Variants in RANBP2 observed in about 807,000 individuals in gnomAD.
The protein encoded by RANBP2 is RAN binding protein 2, also known as E3 SUMO-protein ligase RanBP2.
In RANBP2, 57 loss-of-function variants were observed where a neutral mutation model predicts 303.6. The ratio of observed to expected loss-of-function variants is 0.19; its 90% confidence interval spans 0.15 to 0.23. The LOEUF (loss-of-function observed/expected upper bound fraction) is 0.23. RANBP2 is among the 10% of genes least tolerant of loss of function. The probability of loss-of-function intolerance (pLI) is 1.00; values close to 1 mark genes in which losing one functional copy is unlikely to be tolerated. For synonymous variants in RANBP2, 1,167 were observed against 1,301.5 expected, an observed-to-expected ratio of 0.90 and a Z score of 2.23; for missense variants, 3,138 against 3,780.8, an observed-to-expected ratio of 0.83 and a Z score of 4.46.
At chr2:108,815,399 T>C in the RANBP2 span, among the ~76,000 whole-genome samples, 2 of 151,980 alleles carry the variant, frequency 1.3e-5, no homozygotes, top group African/African-American at 2.4e-5. Flanking sequence ...ATTATGACTT[T>C]TCTTGCCTTC....
the RANBP2 span, among the ~76,000 whole-genome samples, chr2:109,451,692 T>C: frequency 2.0e-5 from 3 of 152,262 alleles, no homozygotes; most frequent in African/African-American, 7.2e-5. Flanking sequence ...CTAACAGTTG[T>C]GCTATATCAG....
the RANBP2 span, among the ~76,000 whole-genome samples, chr2:108,899,743 C>T: frequency 0.91 from 139,182 of 152,242 alleles, 63,700 homozygotes; most frequent in East Asian, 1. Flanking sequence ...CCAAGCACTT[C>T]GGGAGGCCAA....
chr2:109,104,743 A>G, the RANBP2 span, among the ~76,000 whole-genome samples: 1 of 152,130 alleles, frequency 6.6e-6, no homozygotes, highest in Non-Finnish European at 1.5e-5. Context: ...TCGGCCTCCC[A>G]AAGTGCTGGG....
At chr2:109,474,192 C>T in the RANBP2 span, among the ~76,000 whole-genome samples, 94 of 152,256 alleles carry the variant, frequency 6.2e-4, 3 homozygotes, top group South Asian at 0.018. Context: ...TGTGTGTGGG[C>T]AGGTGTAAGC....
At chr2:109,097,780 C>T in the RANBP2 span, among the ~76,000 whole-genome samples, 1 of 151,710 alleles carries the variant, frequency 6.6e-6, no homozygotes, top group South Asian at 2.1e-4. Flanking sequence ...TGTCTTCACA[C>T]TCCCACCCTG....
At chr2:108,943,794 T>C in the RANBP2 span, among the ~76,000 whole-genome samples, 1 of 152,258 alleles carries the variant, frequency 6.6e-6, no homozygotes, top group East Asian at 1.9e-4. Flanking sequence ...TCTGTGTTGC[T>C]CCGCAGCACA....
the RANBP2 span, among the ~76,000 whole-genome samples, chr2:109,324,327 G>A: frequency 6.6e-6 from 1 of 152,136 alleles, no homozygotes; most frequent in African/African-American, 2.4e-5. Flanking sequence ...GGGGTACTGG[G>A]TCGCATGGTA....
At chr2:108,984,270 C>A in the RANBP2 span, among the ~76,000 whole-genome samples, 63 of 152,248 alleles carry the variant, frequency 4.1e-4, 3 homozygotes, top group East Asian at 5.6e-3. Flanking sequence ...GGAGACCCAG[C>A]TCCTTAGAAG....
the RANBP2 span, among the ~76,000 whole-genome samples, chr2:109,499,135 G>A: frequency 1.3e-5 from 2 of 152,102 alleles, no homozygotes; most frequent in Admixed American, 6.5e-5. Flanking sequence ...GTGGGCAGCC[G>A]CCAGGACCAG....
the RANBP2 span, among the ~76,000 whole-genome samples, chr2:109,604,339 T>TAGAA: frequency 1.5e-4 from 12 of 78,918 alleles, no homozygotes; most frequent in Non-Finnish European, 2.5e-4. Flanking sequence ...CGGGACCCCA[T>TAGAA]AGAAAGAAAG....
At chr2:108,755,522 C>T (rs1243406770) in intron 17 of RANBP2, among the ~76,000 whole-genome samples, 9 of 151,896 alleles carry the variant, frequency 5.9e-5, no homozygotes, top group Admixed American at 3.9e-4. Context: ...GCCACGAAGC[C>T]AGGACTACAG....
the RANBP2 span, among the ~76,000 whole-genome samples, chr2:109,057,007 C>A: frequency 5.9e-5 from 9 of 152,344 alleles, no homozygotes; most frequent in African/African-American, 2.2e-4. Flanking sequence ...TGGGTTTAAT[C>A]TATCTCTCAT....
the RANBP2 span, among the ~76,000 whole-genome samples, chr2:109,556,198 G>A: frequency 6.6e-5 from 10 of 152,230 alleles, 1 homozygote; most frequent in Middle Eastern, 6.8e-3. Context: ...TAGAATTTTG[G>A]AGGTATAATA....
the RANBP2 span, among the ~76,000 whole-genome samples, chr2:109,598,067 T>C: frequency 1.8e-3 from 281 of 152,260 alleles, 1 homozygote; most frequent in South Asian, 0.022. Context: ...TTTTGTTTTG[T>C]TTTGTTTTTT....
At chr2:109,078,225 CGT>C in the RANBP2 span, among the ~76,000 whole-genome samples, 103 of 51,592 alleles carry the variant, frequency 2.0e-3, 5 homozygotes, top group African/African-American at 2.2e-3. Context: ...ATATATATAG[CGT>C]GTATATATAT....
the RANBP2 span, among the ~76,000 whole-genome samples, chr2:109,561,207 C>T: frequency 1.3e-5 from 2 of 152,120 alleles, no homozygotes; most frequent in African/African-American, 2.4e-5. Context: ...CTTCCGGAGT[C>T]TTACAGATGC....
At chr2:109,440,102 A>G in the RANBP2 span, among the ~76,000 whole-genome samples, 3 of 152,250 alleles carry the variant, frequency 2.0e-5, 1 homozygote, top group African/African-American at 7.2e-5. Context: ...GCAATGAGGA[A>G]TAGCATAACT....
At chr2:109,216,798 A>C in the RANBP2 span, among the ~76,000 whole-genome samples, 1 of 152,216 alleles carries the variant, frequency 6.6e-6, no homozygotes, top group African/African-American at 2.4e-5. Context: ...ACATAACATA[A>C]AAATTTACCA....
At chr2:108,807,167 C>T in the RANBP2 span, among the ~76,000 whole-genome samples, 1 of 151,906 alleles carries the variant, frequency 6.6e-6, no homozygotes, top group Non-Finnish European at 1.5e-5. Flanking sequence ...TGCGAGTGAT[C>T]CAGATATTGG....
Sources: gnomAD v4.1 joint callset for allele counts (sites outside exome capture counted in the v4.1 genomes callset) on GRCh38, gnomAD v4.1.1 for gene constraint, MANE v1.5 for transcripts, NCBI Gene and HGNC (gene_info 2026-07-23, HGNC 2026-07-21) for gene names.